Variants in SP140 observed in about 807,000 individuals in gnomAD.
The protein encoded by SP140 is SP140 nuclear body protein.
In SP140, 81 loss-of-function variants were observed where a neutral mutation model predicts 125.0. The ratio of observed to expected loss-of-function variants is 0.65; its 90% CI spans 0.54 to 0.78. SP140 has a LOEUF of 0.78. SP140 is among the 30% of genes least tolerant of loss of function. The pLI is 0.00. For synonymous variants in SP140, 312 were observed against 354.0 expected, an observed-to-expected ratio of 0.88 and a Z score of 1.33; for missense variants, 858 against 1,037.0, an observed-to-expected ratio of 0.83 and a Z score of 2.37.
At chr2:230,227,283 C>CAGACTGGG in intron 1 of SP140, among the ~76,000 whole-genome samples, 1 of 152,194 alleles carries the variant, frequency 6.6e-6, no homozygotes, top group Middle Eastern at 3.2e-3. Flanking sequence ...TTTCAGTGCC[C>CAGACTGGG]AGTGCCACCA....
intron 1 of SP140, among the ~76,000 whole-genome samples, chr2:230,229,197 T>C (rs2046884853): frequency 6.6e-6 from 1 of 151,924 alleles, no homozygotes; most frequent in Non-Finnish European, 1.5e-5. Context: ...CCTGTTCTTT[T>C]TAACATTGTG....
intron 12 of SP140, among the ~76,000 whole-genome samples, chr2:230,268,481 C>T (rs927627906): frequency 2.0e-4 from 30 of 150,146 alleles, no homozygotes; most frequent in South Asian, 4.2e-4. Context: ...GCCGAGATTA[C>T]GCGGTTGCAC....
intron 22 of SP140, among the ~76,000 whole-genome samples, chr2:230,299,363 G>A (rs1293699683): frequency 6.6e-6 from 1 of 152,228 alleles, no homozygotes; most frequent in African/African-American, 2.4e-5. Flanking sequence ...CTAACCTAGA[G>A]CTGAAATGAA....
intron 26 of SP140, among the ~76,000 whole-genome samples, chr2:230,312,223 G>A (rs931099305): frequency 2.0e-5 from 3 of 152,196 alleles, no homozygotes; most frequent in African/African-American, 7.2e-5. Context: ...GTTACTCTTA[G>A]CTGCATGAGT....
chr2:230,274,000 A>G lies in SP140; in HGVS notation c.1498+3361A>G, dbSNP rs902067264. 3.3e-5 allele frequency among the ~76,000 whole-genome samples: 5 copies of G among 152,262 alleles called. No individual in the cohort carries two copies. In the South Asian group the frequency reaches 1.0e-3, roughly 32 times the overall value. On this transcript the variant is annotated intron_variant, in intron 15 of 26. Transcript: ENST00000392045. The stretch of plus-strand genomic sequence containing the variant: ...AGGGAGAGGATCAGGAAAAATAACT[A>G]ATAAGTATGAGGCTTAATACCTGGA...
At chr2:230,212,463 A>G in intron 1 of SP140, 1 of 1,492,264 alleles carries the variant, frequency 6.7e-7, no homozygotes, top group Non-Finnish European at 9.4e-7. Flanking sequence ...TACAGATTGC[A>G]GGGACTGGAT....
chr2:230,218,491 G>C lies in SP140; in HGVS notation c.-91+4417G>C, dbSNP rs117930254. Among the ~76,000 whole-genome samples the C allele has an allele frequency of 3.0e-4, 45 of 152,320 alleles. No individual in the cohort carries two copies. The East Asian group carries it at 6.6e-3, about 22-fold the overall frequency. On this transcript the variant is annotated intron_variant, in intron 3 of 4. Coordinates refer to the SP140 transcript ENST00000456542. ...ACAATATGCACAGGGGAAGGAGATA[G>C]TGCAAAGATCAGTGCAAAGTCAGAG...
chr2:230,286,583 C>G (rs1034105500), intron 17 of SP140, among the ~76,000 whole-genome samples: 1 of 152,136 alleles, frequency 6.6e-6, no homozygotes, highest in East Asian at 1.9e-4. Flanking sequence ...TTCATCAAGT[C>G]CACTGCAAGG....
intron 12 of SP140, among the ~76,000 whole-genome samples, chr2:230,262,632 G>T (rs941016885): frequency 1.3e-5 from 2 of 152,056 alleles, no homozygotes; most frequent in African/African-American, 4.8e-5. Context: ...TATCCCAGAG[G>T]TTTTGATTGT....
intron 6 of SP140, among the ~76,000 whole-genome samples, 193 bp downstream of exon 6, chr2:230,245,273 A>G (rs529930302): frequency 6.6e-6 from 1 of 152,230 alleles, no homozygotes; most frequent in Non-Finnish European, 1.5e-5. Context: ...TCCTGGGCAG[A>G]GAGCTTAAGG....
chr2:230,212,563 A>T (rs1029263446), intron 1 of SP140: 4 of 1,033,206 alleles, frequency 3.9e-6, no homozygotes, highest in Non-Finnish European at 6.1e-6. Flanking sequence ...CGGGAGTGGG[A>T]AGCAGGTGTT....
chr2:230,305,664 C>A (rs72990227), intron 22 of SP140, among the ~76,000 whole-genome samples: 12,144 of 152,242 alleles, frequency 0.08, 651 homozygotes, highest in South Asian at 0.19. Flanking sequence ...GCACACGTAG[C>A]GTGGGGGTCG....
chr2:230,295,202 G>A (rs138952720), intron 21 of SP140, among the ~76,000 whole-genome samples: 1 of 152,330 alleles, frequency 6.6e-6, no homozygotes, highest in African/African-American at 2.4e-5. Context: ...TCATCCTTAT[G>A]CACTTCAGGT....
intron 21 of SP140, among the ~76,000 whole-genome samples, chr2:230,296,694 C>T (rs1336005273): frequency 6.6e-6 from 1 of 152,182 alleles, no homozygotes; most frequent in Non-Finnish European, 1.5e-5. Flanking sequence ...ACTCTGAGTC[C>T]TGTGGTCCCA....
chr2:230,249,219 G>A (rs184370249), intron 9 of SP140, among the ~76,000 whole-genome samples: 1 of 152,228 alleles, frequency 6.6e-6, no homozygotes, highest in African/African-American at 2.4e-5. Context: ...ATATACCAGA[G>A]GTAGGCTGGG....
At chr2:230,221,843 G>A (rs2148983138), upstream of SP140, 1 of 965,206 alleles carries the variant, frequency 1.0e-6, no homozygotes, top group South Asian at 1.5e-5. Flanking sequence ...AGCAGGAGTG[G>A]GAAAATAAAG....
At chr2:230,200,910 A>G, upstream of SP140, 1 of 1,613,648 alleles carries the variant, frequency 6.2e-7, no homozygotes, top group Non-Finnish European at 8.5e-7. Context: ...GTGGTGTACT[A>G]GGCGTCTTCT....
intron 15 of SP140, among the ~76,000 whole-genome samples, chr2:230,274,000 A>C (rs902067264): frequency 6.6e-6 from 1 of 152,144 alleles, no homozygotes; most frequent in African/African-American, 2.4e-5. Flanking sequence ...AAAAATAACT[A>C]ATAAGTATGA....
intron 3 of SP140, among the ~76,000 whole-genome samples, chr2:230,219,307 T>C (rs1177368737): frequency 1.3e-5 from 2 of 152,168 alleles, no homozygotes; most frequent in Admixed American, 6.5e-5. Flanking sequence ...TTGGCCAAGA[T>C]AGAAAATAAT....
Sources: allele counts gnomAD v4.1 joint callset (sites outside exome capture counted in the v4.1 genomes callset), GRCh38; gene constraint gnomAD v4.1.1; transcripts MANE v1.5; gene names NCBI Gene and HGNC (gene_info 2026-07-23, HGNC 2026-07-21).